The following N4BP2 variants were observed in gnomAD, a reference collection of about 807,000 sequenced individuals.
N4BP2 encodes NEDD4 binding protein 2.
A neutral mutation model predicts 152.8 loss-of-function variants in N4BP2; 91 were observed. The ratio of observed to expected loss-of-function variants is 0.60; its 90% confidence interval spans 0.50 to 0.71. The LOEUF is 0.71. N4BP2 is among the 30% of genes least tolerant of loss of function. The pLI is 0.00. For missense variants in N4BP2, 1,923 were observed against 2,059.1 expected, an observed-to-expected ratio of 0.93 and a Z score of 1.28; for synonymous variants, 646 against 705.3, an observed-to-expected ratio of 0.92 and a Z score of 1.33.
intron 15 of N4BP2, 81 bp from the exon 16 acceptor site, chr4:40,144,551 T>G (rs993763563): frequency 5.8e-5 from 64 of 1,096,226 alleles, no homozygotes; most frequent in Non-Finnish European, 8.1e-5. Flanking sequence ...CCCCTTCCTT[T>G]TATTTGGGGC....
rs140738542 is a variant in N4BP2, at chr4:40,148,957, GAAA to G, written c.5144-3820_5144-3818del. On this transcript the variant is annotated intron_variant, in intron 16 of 17. Coordinates refer to ENST00000261435, the MANE Select transcript of N4BP2 (RefSeq NM_018177.6). The stretch of plus-strand genomic sequence containing the variant: ...AAAAAAATTGAAAAATCGAAAAACA[GAAA>G]AATGAAATGGAAAGTAATCAGTATT... Among the ~76,000 whole-genome samples the G allele has an allele frequency of 5.9e-3, 894 of 152,230 alleles. 8 individuals are homozygous for G. The highest frequency in any genetic ancestry group is 0.02 in the African/African-American group (851 of 41,538).
chr4:40,142,704 C>T lies in N4BP2; in HGVS notation c.4817C>T (p.Pro1606Leu). ...AAATTAAAAGAGACTGAAGAAACAC[C>T]AAGTGAACTGTCTTTCCAGGACTTT... is the stretch of plus-strand genomic sequence containing the variant. ...PKKLKETEET[P>L]SELSFQDFEY... Residue 1606 changes from proline to leucine, a missense_variant, in exon 15 of 18, where the codon CCA becomes CTA. Physicochemically the swap from Pro to Leu is moderately conservative, Grantham distance 98 (BLOSUM62 -3). Transcript: ENST00000261435. The T allele has an allele frequency of 6.2e-7, 1 of 1,611,812 alleles. No individual in the cohort carries two copies. The highest frequency in any genetic ancestry group is 1.1e-5 in the South Asian group (1 of 90,754).
rs538506430 is a variant in N4BP2 at position 40,124,609 on chromosome 4, A to T, written c.4330+404A>T. On this transcript the variant is annotated intron_variant, in intron 11 of 17. Transcript: ENST00000261435. ...TGATCTGCCCACCTTGGCCTCCCAA[A>T]GTCCTGGGGTTACAGGCATGAGCCA... Among the ~76,000 whole-genome samples, 6 of 152,302 alleles carry T rather than the reference A, an allele frequency of 3.9e-5. No homozygotes were observed. In the East Asian group the frequency reaches 1.2e-3, roughly 29 times the overall value.
At chr4:40,092,455 G>GCAGAT (rs1714698153) in intron 2 of N4BP2, among the ~76,000 whole-genome samples, 1 of 151,738 alleles carries the variant, frequency 6.6e-6, no homozygotes, top group Non-Finnish European at 1.5e-5. Context: ...TTAGCCTTTT[G>GCAGAT]ATATCTGCAA....
At chr4:40,079,926 A>G (rs1713183406) in intron 2 of N4BP2, among the ~76,000 whole-genome samples, 1 of 152,200 alleles carries the variant, frequency 6.6e-6, no homozygotes, top group Non-Finnish European at 1.5e-5. Context: ...ATAGAGGTAG[A>G]AGAATTTGAA....
At chr4:40,111,616 G>A (rs904994535) in intron 5 of N4BP2, among the ~76,000 whole-genome samples, 2 of 151,718 alleles carry the variant, frequency 1.3e-5, no homozygotes, top group Non-Finnish European at 2.9e-5. Flanking sequence ...ACCGCGCCCG[G>A]CCTTGTTTTG....
intron 13 of N4BP2, among the ~76,000 whole-genome samples, 169 bp downstream of exon 13, chr4:40,132,088 AACCCTCTATAT>A (rs1718953572): frequency 6.6e-6 from 1 of 152,180 alleles, no homozygotes; most frequent in Non-Finnish European, 1.5e-5. Flanking sequence ...AATATAGCTA[AACCCTCTATAT>A]ACCCTCTATA....
At chr4:40,103,669 AAG>A (rs1715927840) in intron 4 of N4BP2, among the ~76,000 whole-genome samples, 2 of 152,240 alleles carry the variant, frequency 1.3e-5, no homozygotes, top group Admixed American at 1.3e-4. Context: ...GATTTGAAGG[AAG>A]AGAGTATAGG....
At chr4:40,183,372 G>A in the N4BP2 span, among the ~76,000 whole-genome samples, 1 of 141,624 alleles carries the variant, frequency 7.1e-6, no homozygotes, top group Non-Finnish European at 1.5e-5. Flanking sequence ...GTCTGGCTCT[G>A]TCGCCCAGGC....
intron 2 of N4BP2, among the ~76,000 whole-genome samples, chr4:40,080,663 C>CTTAT (rs1343136696): frequency 4.1e-5 from 6 of 145,590 alleles, no homozygotes; most frequent in South Asian, 2.2e-4. Context: ...TCAGAATTTT[C>CTTAT]TTATTTATTT....
At chr4:40,178,651 A>G in the N4BP2 span, among the ~76,000 whole-genome samples, 3 of 152,256 alleles carry the variant, frequency 2.0e-5, no homozygotes, top group Non-Finnish European at 2.9e-5. Flanking sequence ...AGCTCTCTAG[A>G]TAACGAAATA....
In N4BP2 at chr4:40,102,498, A is replaced by T; in HGVS notation, c.653A>T (p.His218Leu). The T allele has an allele frequency of 6.2e-7, 1 of 1,614,214 alleles. No homozygotes were observed. The highest frequency in any genetic ancestry group is 1.1e-5 in the South Asian group (1 of 91,080). Residue 218 changes from histidine to leucine, a missense_variant, in exon 4 of 18, where the codon CAT (histidine) becomes CTT (leucine). His to Leu is a moderately conservative substitution (Grantham distance 99, BLOSUM62 -3). Coordinates refer to ENST00000261435, the MANE Select transcript of N4BP2 (RefSeq NM_018177.6). Reference protein sequence around the residue: ...STLSLNPLPSHSVLNESKCFI... With the variant: ...STLSLNPLPSLSVLNESKCFI... ...TTAAGTTTAAACCCATTACCTTCAC[A>T]TTCAGTTTTGAACGAGTCCAAGTGT...
At chr4:40,183,410 A>G in the N4BP2 span, among the ~76,000 whole-genome samples, 1 of 146,900 alleles carries the variant, frequency 6.8e-6, no homozygotes. Flanking sequence ...ATCTCTGCTC[A>G]CTGCAAGCTC....
At position 40,127,214 on chromosome 4, in the gene N4BP2, C is replaced by G. The variant is rs534803415; in HGVS notation, c.4527+884C>G. Among the ~76,000 whole-genome samples, 10 of 151,310 alleles carry G rather than the reference C, an allele frequency of 6.6e-5. No individual in the cohort carries two copies. In the South Asian group the frequency reaches 1.7e-3, roughly 25 times the overall value. On this transcript the variant is annotated intron_variant, in intron 12 of 17. Coordinates refer to ENST00000261435, the MANE Select transcript of N4BP2 (RefSeq NM_018177.6). Reference sequence around the variant, plus strand: ...GGCTGCATCTTCTTCTTCTTTTTTTCTTTTTTTTAATTTTATTTGTTTGAA... The same window carrying G: ...GGCTGCATCTTCTTCTTCTTTTTTTGTTTTTTTTAATTTTATTTGTTTGAA...
intron 2 of N4BP2, among the ~76,000 whole-genome samples, chr4:40,075,888 T>G (rs4974919): frequency 0.35 from 52,759 of 152,046 alleles, 9,527 homozygotes; most frequent in South Asian, 0.51. Flanking sequence ...GTGCAGTGCT[T>G]TGATTACTGC....
At chr4:40,127,127 G>GAA (rs1294577508) in intron 12 of N4BP2, among the ~76,000 whole-genome samples, 9 of 151,974 alleles carry the variant, frequency 5.9e-5, no homozygotes, top group Non-Finnish European at 8.8e-5. Flanking sequence ...TGGGGTCAGT[G>GAA]ATTCACCTGC....
At chr4:40,165,141 G>A in the N4BP2 span, among the ~76,000 whole-genome samples, 3 of 151,838 alleles carry the variant, frequency 2.0e-5, no homozygotes, top group Admixed American at 2.0e-4. Context: ...GAATATAGTT[G>A]TCTCTTATAT....
the N4BP2 span, among the ~76,000 whole-genome samples, chr4:40,164,498 G>C: frequency 6.6e-6 from 1 of 152,194 alleles, no homozygotes; most frequent in Admixed American, 6.5e-5. Flanking sequence ...AAGCCAGTCT[G>C]CTGGAAGTCT....
intron 4 of N4BP2, among the ~76,000 whole-genome samples, chr4:40,104,523 C>T (rs760542562): frequency 6.6e-6 from 1 of 151,786 alleles, no homozygotes; most frequent in Non-Finnish European, 1.5e-5. Flanking sequence ...GCTTTTCTAA[C>T]TGACTTAATA....
Sources: allele counts gnomAD v4.1 joint callset (sites outside exome capture counted in the v4.1 genomes callset), GRCh38; gene constraint gnomAD v4.1.1; transcripts MANE v1.5; gene names NCBI Gene and HGNC (gene_info 2026-07-23, HGNC 2026-07-21).